The following LRRC4C variants were observed in gnomAD, a reference collection of about 807,000 sequenced individuals.
LRRC4C encodes the protein leucine-rich repeat-containing protein 4C.
LRRC4C carries 5 observed loss-of-function variants against 33.6 expected under a neutral mutation model. That is an observed-to-expected ratio of 0.15 (90% CI 0.08 to 0.31). The LOEUF (loss-of-function observed/expected upper bound fraction) is 0.31. LRRC4C is among the 10% of genes least tolerant of loss of function. The pLI is 1.00. For synonymous variants in LRRC4C, 329 were observed against 302.0 expected (o/e 1.09, Z -0.93); for missense variants, 560 against 796.7 (o/e 0.70, Z 3.58).
At chr11:41,418,203 C>T (rs551502215) in intron 1 of LRRC4C, among the ~76,000 whole-genome samples, 21 of 151,896 alleles carry the variant, frequency 1.4e-4, no homozygotes, top group East Asian at 3.9e-4. Flanking sequence ...ATCTGAAATC[C>T]GATATGTTTA....
intron 3 of LRRC4C, among the ~76,000 whole-genome samples, chr11:40,528,032 C>T (rs1262150758): frequency 6.6e-6 from 1 of 152,142 alleles, no homozygotes; most frequent in Non-Finnish European, 1.5e-5. Flanking sequence ...AGGCATAAGC[C>T]ACTGCACCCT....
At chr11:41,183,700 C>G (rs1026019063) in intron 1 of LRRC4C, among the ~76,000 whole-genome samples, 1 of 152,182 alleles carries the variant, frequency 6.6e-6, no homozygotes, top group Admixed American at 6.5e-5. Context: ...GTTTGGAGGA[C>G]AGTGGCCCTC....
At chr11:41,044,386 A>G (rs1857634319) in intron 1 of LRRC4C, among the ~76,000 whole-genome samples, 1 of 152,166 alleles carries the variant, frequency 6.6e-6, no homozygotes, top group Non-Finnish European at 1.5e-5. Flanking sequence ...CAATGTGAGC[A>G]CATTCAGAAT....
chr11:41,264,025 A>C (rs1392091760), intron 1 of LRRC4C, among the ~76,000 whole-genome samples: 1 of 152,084 alleles, frequency 6.6e-6, no homozygotes, highest in African/African-American at 2.4e-5. Context: ...ATTTATCATA[A>C]AGTATAATAC....
At chr11:41,173,809 G>A (rs12364931) in intron 1 of LRRC4C, among the ~76,000 whole-genome samples, 25,185 of 152,026 alleles carry the variant, frequency 0.17, 2,671 homozygotes, top group East Asian at 0.37. Context: ...GCATGACTCA[G>A]TGTTAAATGT....
At chr11:40,344,160 C>T (rs1256886572) in intron 3 of LRRC4C, among the ~76,000 whole-genome samples, 3 of 152,002 alleles carry the variant, frequency 2.0e-5, no homozygotes, top group Non-Finnish European at 4.4e-5. Flanking sequence ...ATGAGGCCAG[C>T]ATCATCTTGA....
intron 1 of LRRC4C, among the ~76,000 whole-genome samples, chr11:41,157,773 G>A (rs969480608): frequency 2.0e-5 from 3 of 151,676 alleles, no homozygotes; most frequent in Non-Finnish European, 4.4e-5. Context: ...AAATTTTGTG[G>A]GTATATAGTA....
intron 1 of LRRC4C, among the ~76,000 whole-genome samples, chr11:41,204,044 A>T (rs1469205269): frequency 6.6e-6 from 1 of 152,134 alleles, no homozygotes; most frequent in African/African-American, 2.4e-5. Flanking sequence ...CAGATTATAG[A>T]TGGCAAAACT....
intron 1 of LRRC4C, among the ~76,000 whole-genome samples, chr11:41,409,130 T>C (rs1954361777): frequency 6.6e-6 from 1 of 152,184 alleles, no homozygotes; most frequent in Non-Finnish European, 1.5e-5. Context: ...TCCTTTGCAC[T>C]TGTTCATTTT....
intron 1 of LRRC4C, among the ~76,000 whole-genome samples, chr11:40,990,234 T>G (rs1446076467): frequency 0.013 from 376 of 28,060 alleles, 4 homozygotes; most frequent in African/African-American, 0.059. Context: ...TCAAGTTTTA[T>G]ATATATATAT....
At position 41,459,028 on chromosome 11, in the gene LRRC4C, C is replaced by G. The variant is rs550717463; in HGVS notation, c.-496+403G>C. Among the ~76,000 whole-genome samples the G allele has an allele frequency of 1.3e-4, 20 of 152,228 alleles. No homozygotes were observed. In the East Asian group the frequency reaches 3.7e-3, roughly 28 times the overall value. ...AAGTCCGGATTACATCCCCACCTCC[C>G]CAGCCCCCAGTCTCTGAGCAGATAC... On this transcript the variant is annotated intron_variant, in intron 1 of 6. Coordinates refer to ENST00000528697, the MANE Select transcript of LRRC4C (RefSeq NM_001258419.2).
rs1319990767 is a variant in LRRC4C, at chr11:40,996,037, A to G, written c.-495-62314T>C. On this transcript the variant is annotated intron_variant, in intron 1 of 6. Coordinates refer to ENST00000528697, the MANE Select transcript of LRRC4C (RefSeq NM_001258419.2). ...TAAAATTAATTTATTACATAGTTCC[A>G]CTGTTCATGAGATTTCCACAATAGG... is the stretch of plus-strand genomic sequence containing the variant. Among the ~76,000 whole-genome samples, 4 of 152,172 alleles carry G rather than the reference A, an allele frequency of 2.6e-5. No individual in the cohort carries two copies. In the East Asian group the frequency reaches 7.7e-4, roughly 29 times the overall value.
intron 1 of LRRC4C, among the ~76,000 whole-genome samples, chr11:40,939,148 T>C (rs1958034241): frequency 6.6e-6 from 1 of 152,200 alleles, no homozygotes; most frequent in Non-Finnish European, 1.5e-5. Context: ...ATTTCTTGGC[T>C]ATGGTGTAAT....
At chr11:40,657,215 A>G (rs1454467606) in intron 2 of LRRC4C, among the ~76,000 whole-genome samples, 1 of 152,204 alleles carries the variant, frequency 6.6e-6, no homozygotes, top group Non-Finnish European at 1.5e-5. Context: ...AAGTGTTAAA[A>G]CCCAGACCTT....
chr11:40,699,622 ATTAAT>A (rs994979733), intron 2 of LRRC4C, among the ~76,000 whole-genome samples: 20 of 152,312 alleles, frequency 1.3e-4, no homozygotes, highest in Non-Finnish European at 2.4e-4. Flanking sequence ...AAAACATTTA[ATTAAT>A]TTGTTTATTA....
chr11:41,233,826 C>T (rs12365157), intron 1 of LRRC4C, among the ~76,000 whole-genome samples: 27,000 of 151,868 alleles, frequency 0.18, 2,534 homozygotes, highest in Middle Eastern at 0.27. Context: ...AATTTTATTT[C>T]TAGACTTTGC....
chr11:40,970,749 T>A (rs1399299960), intron 1 of LRRC4C, among the ~76,000 whole-genome samples: 1 of 152,144 alleles, frequency 6.6e-6, no homozygotes, highest in Non-Finnish European at 1.5e-5. Context: ...GATAGTGATA[T>A]GGACAGTGAA....
At chr11:41,353,342 C>T (rs991573678) in intron 1 of LRRC4C, among the ~76,000 whole-genome samples, 7 of 151,950 alleles carry the variant, frequency 4.6e-5, no homozygotes, top group African/African-American at 1.7e-4. Flanking sequence ...TCTGAACAGA[C>T]CAATAATGAG....
chr11:40,326,724 A>G (rs1165983305), intron 3 of LRRC4C, among the ~76,000 whole-genome samples: 2 of 152,218 alleles, frequency 1.3e-5, no homozygotes, highest in Non-Finnish European at 2.9e-5. Flanking sequence ...ACAGAAATCA[A>G]ACAATGCAGG....
Sources: allele counts gnomAD v4.1 joint callset (sites outside exome capture counted in the v4.1 genomes callset), GRCh38; gene constraint gnomAD v4.1.1; transcripts MANE v1.5; gene names NCBI Gene and HGNC (gene_info 2026-07-23, HGNC 2026-07-21).